DLG2: variants seen among roughly 807,000 people sequenced by gnomAD.
The protein encoded by DLG2 is discs large MAGUK scaffold protein 2.
DLG2 carries 45 observed loss-of-function variants against 132.5 expected under a neutral mutation model. The observed-to-expected ratio is 0.34, with a 90% CI of 0.27 to 0.44. The LOEUF is 0.44. Ranked by LOEUF, DLG2 falls within the 20% of genes least tolerant of loss-of-function variation. The pLI, the probability that DLG2 is intolerant of heterozygous loss-of-function variation, is 1.00. For synonymous variants in DLG2, 424 were observed against 419.6 expected (o/e 1.01, Z -0.13); for missense variants, 1,045 against 1,196.9 (o/e 0.87, Z 1.87).
At chr11:84,217,908 C>T (rs2096857294) in intron 8 of DLG2, among the ~76,000 whole-genome samples, 1 of 152,156 alleles carries the variant, frequency 6.6e-6, no homozygotes, top group Non-Finnish European at 1.5e-5. Context: ...TGGCTCACAC[C>T]TGTAATCCCA....
chr11:85,233,116 A>G (rs542558567), intron 4 of DLG2, among the ~76,000 whole-genome samples: 2 of 151,880 alleles, frequency 1.3e-5, no homozygotes, highest in East Asian at 1.9e-4. Context: ...TTTTCCTTAT[A>G]AGGAGAAAAG....
intron 15 of DLG2, among the ~76,000 whole-genome samples, chr11:83,886,743 ACTGT>A (rs1164515888): frequency 6.6e-6 from 1 of 152,156 alleles, no homozygotes; most frequent in East Asian, 1.9e-4. Flanking sequence ...ATTATAACAA[ACTGT>A]CTCTCAGACC....
chr11:85,481,134 T>C (rs1437499245), intron 3 of DLG2, among the ~76,000 whole-genome samples: 2 of 152,242 alleles, frequency 1.3e-5, no homozygotes, highest in Non-Finnish European at 2.9e-5. Flanking sequence ...ACTTCAGTTT[T>C]CTCATTTGTA....
chr11:85,385,164 TAGA>T (rs2086224294), intron 3 of DLG2, among the ~76,000 whole-genome samples: 1 of 152,194 alleles, frequency 6.6e-6, no homozygotes, highest in Non-Finnish European at 1.5e-5. Context: ...ATCTACTTTA[TAGA>T]AGGACTGTAA....
At chr11:85,286,755 C>T (rs2078582755) in intron 3 of DLG2, among the ~76,000 whole-genome samples, 1 of 152,120 alleles carries the variant, frequency 6.6e-6, no homozygotes, top group Non-Finnish European at 1.5e-5. Context: ...GCAACAAACA[C>T]ACCCAGAGCC....
At chr11:84,369,276 G>C (rs1317226243) in intron 7 of DLG2, among the ~76,000 whole-genome samples, 1 of 152,018 alleles carries the variant, frequency 6.6e-6, no homozygotes, top group Non-Finnish European at 1.5e-5. Flanking sequence ...ACTTAGGTTT[G>C]TTATGCTTTG....
chr11:84,456,356 C>G (rs1053687739), intron 7 of DLG2, among the ~76,000 whole-genome samples: 2 of 151,192 alleles, frequency 1.3e-5, no homozygotes, highest in African/African-American at 4.8e-5. Flanking sequence ...TACAAATGTT[C>G]TAGGAGCCTA....
chr11:84,620,180 AGAAATAT>A (rs1193508804), intron 6 of DLG2, among the ~76,000 whole-genome samples: 1 of 151,832 alleles, frequency 6.6e-6, no homozygotes, highest in African/African-American at 2.4e-5. Context: ...CACATAGTAT[AGAAATAT>A]GATATAGGAC....
intron 3 of DLG2, among the ~76,000 whole-genome samples, chr11:85,504,942 G>T (rs2093893716): frequency 6.6e-6 from 1 of 152,026 alleles, no homozygotes; most frequent in Non-Finnish European, 1.5e-5. Flanking sequence ...CTTGTAAGTT[G>T]GATTCCTAGG....
intron 14 of DLG2, 72 bp downstream of exon 14, chr11:83,962,813 T>C: frequency 6.4e-7 from 1 of 1,573,094 alleles, no homozygotes; most frequent in Non-Finnish European, 8.7e-7. Context: ...AAACAACACC[T>C]GACATGTTAG....
intron 6 of DLG2, among the ~76,000 whole-genome samples, chr11:84,608,717 G>C (rs923449833): frequency 6.6e-6 from 1 of 152,140 alleles, no homozygotes. Context: ...GGTCACTTCA[G>C]GTTGCCACTG....
chr11:85,525,092 T>C (rs2074644741), intron 3 of DLG2: 1 of 152,230 alleles, frequency 6.6e-6, no homozygotes, highest in African/African-American at 2.4e-5. Flanking sequence ...ATTAGTACCC[T>C]TAACATCCAT....
intron 3 of DLG2, among the ~76,000 whole-genome samples, chr11:85,493,008 A>C (rs1483197860): frequency 6.7e-6 from 1 of 149,652 alleles, no homozygotes; most frequent in Non-Finnish European, 1.5e-5. Flanking sequence ...CCAAGCTATA[A>C]AAAAAAAAGA....
At chr11:83,898,740 TA>T (rs1312779546) in intron 15 of DLG2, among the ~76,000 whole-genome samples, 1 of 152,214 alleles carries the variant, frequency 6.6e-6, no homozygotes, top group African/African-American at 2.4e-5. Flanking sequence ...TATCCTCTTC[TA>T]TTTTAGCTAA....
intron 3 of DLG2, among the ~76,000 whole-genome samples, chr11:85,375,191 C>T (rs1445767215): frequency 6.6e-6 from 1 of 151,766 alleles, no homozygotes; most frequent in Admixed American, 6.6e-5. Flanking sequence ...TCATTTCTGA[C>T]CAAACTGATC....
intron 6 of DLG2, among the ~76,000 whole-genome samples, chr11:85,068,253 C>T (rs2065239034): frequency 6.6e-6 from 1 of 152,040 alleles, no homozygotes; most frequent in Admixed American, 6.6e-5. Context: ...GACAGGGATG[C>T]CCTCTCTCAC....
At chr11:84,458,957 C>A (rs1319144239) in intron 7 of DLG2, among the ~76,000 whole-genome samples, 1 of 150,550 alleles carries the variant, frequency 6.6e-6, no homozygotes, top group Admixed American at 6.6e-5. Context: ...ATAACAATCC[C>A]CATTTTTCAT....
At chr11:84,053,588 A>T (rs988361256) in intron 11 of DLG2, among the ~76,000 whole-genome samples, 1 of 151,950 alleles carries the variant, frequency 6.6e-6, no homozygotes, top group Non-Finnish European at 1.5e-5. Flanking sequence ...TAAAAAGATT[A>T]TAAGAATTTA....
chr11:84,891,735 G>C (rs571526535), intron 6 of DLG2, among the ~76,000 whole-genome samples: 74 of 152,272 alleles, frequency 4.9e-4, no homozygotes, highest in Middle Eastern at 6.8e-3. Context: ...TTTGGACCCA[G>C]AGTTTGTTCA....
Sources: allele counts gnomAD v4.1 joint callset (sites outside exome capture counted in the v4.1 genomes callset), GRCh38; gene constraint gnomAD v4.1.1; transcripts MANE v1.5; gene names NCBI Gene and HGNC (gene_info 2026-07-23, HGNC 2026-07-21).